Variants in ADAM7 observed in about 807,000 individuals in gnomAD.
ADAM7 encodes disintegrin and metalloproteinase domain-containing protein 7.
Under a neutral mutation model 102.9 loss-of-function variants are expected in ADAM7, and 97 were observed. That is an observed-to-expected ratio of 0.94 (90% confidence interval 0.80 to 1.12). The LOEUF (loss-of-function observed/expected upper bound fraction) is 1.12. Ranked by LOEUF, ADAM7 falls within the 50% of genes most tolerant of loss-of-function variation. The pLI is 0.00. For missense variants in ADAM7, 991 were observed against 908.7 expected, an observed-to-expected ratio of 1.09 and a Z score of -1.16; for synonymous variants, 334 against 304.4, an observed-to-expected ratio of 1.10 and a Z score of -1.01.
chr8:24,470,605 G>C (rs897385997), intron 7 of ADAM7, among the ~76,000 whole-genome samples: 5 of 152,100 alleles, frequency 3.3e-5, no homozygotes, highest in Non-Finnish European at 7.4e-5. Flanking sequence ...GGTTCCATTA[G>C]ATGATAACAA....
At chr8:24,443,251 A>C (rs1381751152) in intron 2 of ADAM7, among the ~76,000 whole-genome samples, 3 of 152,182 alleles carry the variant, frequency 2.0e-5, no homozygotes, top group Non-Finnish European at 4.4e-5. Context: ...GCCCAAACGT[A>C]CTATGGAAAT....
intron 7 of ADAM7, among the ~76,000 whole-genome samples, chr8:24,474,093 T>G (rs1819692433): frequency 6.6e-6 from 1 of 152,242 alleles, no homozygotes; most frequent in East Asian, 1.9e-4. Flanking sequence ...CAGATTTCTT[T>G]CAACATTTTT....
Position 24,491,984 on chromosome 8 carries a change from T to G in ADAM7, c.1438T>G (p.Cys480Gly). 1 of 1,613,984 alleles carries G rather than the reference T, an allele frequency of 6.2e-7. No homozygotes were observed. The highest frequency in any genetic ancestry group is 1.1e-5 in the South Asian group (1 of 91,078). The stretch of plus-strand genomic sequence containing the variant: ...GATGTGCACTGGCCACTCGCCTGCC[T>G]GTCCTAAGGACCAGTTCAGGGTCAA... The part of the protein sequence containing the change: ...PEMCTGHSPA[C>G]PKDQFRVNGF... The change falls in exon 14 of 22, where the codon TGT (cysteine) becomes GGT (glycine). Residue 480 changes from cysteine (C) to glycine (G), a missense_variant. Transcript: ENST00000175238.
At chr8:24,449,669 C>G (rs1818704590) in intron 3 of ADAM7, among the ~76,000 whole-genome samples, 1 of 152,054 alleles carries the variant, frequency 6.6e-6, no homozygotes. Flanking sequence ...TCCCATTTGT[C>G]AATTTTGGCT....
chr8:24,492,945 T>C, intron 15 of ADAM7, 98 bp from the exon 16 acceptor site: 2 of 1,275,998 alleles, frequency 1.6e-6, no homozygotes, highest in African/African-American at 1.5e-5. Flanking sequence ...GCAAGAAACC[T>C]GGATCTAGAA....
At chr8:24,443,939 A>AAAAATAAAATAAAATAAAAT (rs144352481) in intron 2 of ADAM7, among the ~76,000 whole-genome samples, 1 of 145,578 alleles carries the variant, frequency 6.9e-6, no homozygotes. Context: ...CTCAAAAAAT[A>AAAAATAAAATAAAATAAAAT]AAAATAAAAT....
intron 3 of ADAM7, among the ~76,000 whole-genome samples, chr8:24,448,657 TTTA>T (rs35847061): frequency 0.57 from 84,417 of 148,618 alleles, 24,659 homozygotes; most frequent in African/African-American, 0.69. Flanking sequence ...ATTCAGCTTG[TTTA>T]TTATTATTAT....
At chr8:24,468,718 G>C (rs1200507548) in intron 6 of ADAM7, 49 bp from the exon 7 acceptor site, 2 of 1,539,050 alleles carry the variant, frequency 1.3e-6, no homozygotes, top group African/African-American at 2.7e-5. Flanking sequence ...AAAGGGTTAA[G>C]ATAGAAAGTG....
intron 20 of ADAM7, among the ~76,000 whole-genome samples, chr8:24,504,749 G>C (rs937354162): frequency 6.6e-6 from 1 of 151,714 alleles, no homozygotes; most frequent in African/African-American, 2.4e-5. Context: ...CAATATTGCA[G>C]AGCATACCCC....
chr8:24,482,130 T>C lies in ADAM7; in HGVS notation c.706-12T>C. On this transcript the variant is annotated splice_polypyrimidine_tract_variant and intron_variant, in intron 8 of 21. Coordinates refer to ENST00000175238, the MANE Select transcript of ADAM7 (RefSeq NM_003817.4). Reference sequence around the variant, plus strand: ...ACTTGACTTTGTGAAAAATGATTTCTTCTTTGAACAGATTTATAAAACCTT... The same window carrying C: ...ACTTGACTTTGTGAAAAATGATTTCCTCTTTGAACAGATTTATAAAACCTT... 6.4e-7 allele frequency: 1 copy of C among 1,555,156 alleles called. No homozygotes were observed. Among genetic ancestry groups the C allele is most frequent in the African/African-American group, 1.4e-5 (1 of 71,902 alleles).
chr8:24,460,270 G>A (rs1158979045), intron 3 of ADAM7, among the ~76,000 whole-genome samples: 1 of 151,682 alleles, frequency 6.6e-6, no homozygotes, highest in Non-Finnish European at 1.5e-5. Flanking sequence ...AATTAGTTTG[G>A]TCCTGATTTT....
At chr8:24,467,823 G>A (rs1368273941) in intron 6 of ADAM7, among the ~76,000 whole-genome samples, 1 of 152,094 alleles carries the variant, frequency 6.6e-6, no homozygotes, top group Non-Finnish European at 1.5e-5. Flanking sequence ...CCAACACTTT[G>A]GGAGGCTGAG....
chr8:24,500,064 G>A lies in ADAM7; in HGVS notation c.1924-114G>A, dbSNP rs1210163037. 20 of 736,778 alleles carry A rather than the reference G, an allele frequency of 2.7e-5. No individual in the cohort carries two copies. The South Asian group carries it at 2.7e-4, about 10-fold the overall frequency. 45.6% of individuals were successfully genotyped at this position (736,778 alleles called of 1,614,324 possible). ...AGTTTAATAAACGAATAAAAAGTTC[G>A]CGCTTGTGCTTGTGTGCATGTATGT... is the stretch of plus-strand genomic sequence containing the variant. On this transcript the variant is annotated intron_variant, in intron 17 of 21. Transcript: ENST00000175238.
intron 20 of ADAM7, chr8:24,506,216 A>T: frequency 7.7e-7 from 1 of 1,290,372 alleles, no homozygotes; most frequent in Non-Finnish European, 1.1e-6. Flanking sequence ...AATAATTTTC[A>T]TGAAACTTAA....
At chr8:24,442,941 C>A (rs554859579) in intron 2 of ADAM7, among the ~76,000 whole-genome samples, 1 of 152,230 alleles carries the variant, frequency 6.6e-6, no homozygotes, top group Non-Finnish European at 1.5e-5. Context: ...GAGTCTGCAG[C>A]AAAGATGTGC....
intron 3 of ADAM7, among the ~76,000 whole-genome samples, chr8:24,463,507 G>A (rs763825074): frequency 3.3e-5 from 5 of 151,786 alleles, no homozygotes; most frequent in Admixed American, 6.6e-5. Context: ...ATATTAAGAC[G>A]TACTCGCCAC....
At chr8:24,469,408 A>G (rs950835520) in intron 7 of ADAM7, among the ~76,000 whole-genome samples, 2 of 152,180 alleles carry the variant, frequency 1.3e-5, no homozygotes, top group Non-Finnish European at 2.9e-5. Context: ...AATGTTACAC[A>G]TGGGAAAACA....
rs761753009 is a variant in ADAM7 at position 24,466,990 on chromosome 8, T to C, written c.579+2T>C. ...TCTGAAGAAGACTCCAAAATAAAAG[T>C]GAGTACTTTATTATTATCTTTACCC... On this transcript the variant is annotated splice_donor_variant, in intron 6 of 21. Coordinates refer to ENST00000175238, the MANE Select transcript of ADAM7 (RefSeq NM_003817.4). LOFTEE classifies it high-confidence loss of function. 2 of 1,605,936 alleles carry C rather than the reference T, an allele frequency of 1.2e-6. No individual in the cohort carries two copies. The highest frequency in any genetic ancestry group is 2.2e-5 in the South Asian group (2 of 90,850).
intron 3 of ADAM7, among the ~76,000 whole-genome samples, chr8:24,453,879 C>G (rs1286362837): frequency 6.6e-6 from 1 of 152,212 alleles, no homozygotes; most frequent in Non-Finnish European, 1.5e-5. Flanking sequence ...AGACAGGACC[C>G]TCAGCTGCAG....
Sources: allele counts gnomAD v4.1 joint callset (sites outside exome capture counted in the v4.1 genomes callset), GRCh38; gene constraint gnomAD v4.1.1; transcripts MANE v1.5; gene names NCBI Gene and HGNC (gene_info 2026-07-23, HGNC 2026-07-21).